The following MCRIP1 variants were observed in gnomAD, a reference collection of about 807,000 sequenced individuals.
The protein encoded by MCRIP1 is MAPK regulated corepressor interacting protein 1, also known as mapk-regulated corepressor-interacting protein 1.
MCRIP1 carries 10 observed loss-of-function variants against 14.4 expected under a neutral mutation model. The observed-to-expected ratio is 0.70, with a 90% CI of 0.43 to 1.18. MCRIP1 has a LOEUF of 1.18. Ranked by LOEUF, MCRIP1 falls within the 50% of genes most tolerant of loss-of-function variation. The pLI is 0.00. For synonymous variants in MCRIP1, 53 were observed against 55.7 expected, an observed-to-expected ratio of 0.95 and a Z score of 0.21; for missense variants, 119 against 135.4, an observed-to-expected ratio of 0.88 and a Z score of 0.60.
chr17:81,824,071 T>C (rs755009174), intron 3 of MCRIP1, among the ~76,000 whole-genome samples: 2 of 152,042 alleles, frequency 1.3e-5, no homozygotes, highest in Non-Finnish European at 2.9e-5. Context: ...GCTCCCCCCA[T>C]GATCAGAACC....
chr17:81,824,685 G>C (rs908761481), intron 1 of MCRIP1, 131 bp from the exon 2 acceptor site: 47 of 1,476,854 alleles, frequency 3.2e-5, no homozygotes, highest in Non-Finnish European at 3.8e-5. Context: ...CTGCCTACCA[G>C]GGTGTCCCCC....
intron 1 of MCRIP1, chr17:81,825,584 G>A (rs780831972): frequency 1.6e-5 from 21 of 1,289,172 alleles, no homozygotes; most frequent in Non-Finnish European, 2.1e-5. Context: ...GTCCTCTCTG[G>A]CTCATTCCGC....
In MCRIP1 at chr17:81,831,402, CAAAAAAAA is replaced by C. The variant is rs577541495; in HGVS notation, c.-49+1828_-49+1835del. On this transcript the variant is annotated intron_variant, in intron 1 of 4. Coordinates refer to ENST00000455127, the MANE Select transcript of MCRIP1 (RefSeq NM_207368.5). Reference sequence around the variant, plus strand: ...GGGCCCCATCTCTGCTCTCTGCCCTCAAAAAAAAAAAAAAAAAAAAAGAACGAAAGGGA... The same window carrying C: ...GGGCCCCATCTCTGCTCTCTGCCCTCAAAAAAAAAAAAAGAACGAAAGGGA... Among the ~76,000 whole-genome samples, 42 of 67,794 alleles carry C rather than the reference CAAAAAAAA, an allele frequency of 6.2e-4. 5 individuals are homozygous for C. In the Admixed American group the frequency reaches 6.6e-3, roughly 11 times the overall value. The allele number at this position is 67,794 out of a possible 152,430, so 44.5% of individuals were successfully genotyped here.
intron 1 of MCRIP1, chr17:81,824,848 G>C: frequency 2.3e-6 from 3 of 1,295,496 alleles, no homozygotes; most frequent in South Asian, 2.2e-5. Context: ...CTCAGACGTG[G>C]AGGCCTCAGC....
At position 81,824,518 on chromosome 17, in the gene MCRIP1, C is replaced by G. The variant is rs2038347799; in HGVS notation, c.-12G>C. ...ACCCACCTGGTCATCGCGGGGGCGT[C>G]TGATCCTAGCGCTCCACCGCCAGAT... On this transcript the variant is annotated 5_prime_UTR_variant, in exon 2 of 5. Transcript: ENST00000455127. 1 of 1,536,074 alleles carries G rather than the reference C, an allele frequency of 6.5e-7. No homozygotes were observed. The highest frequency in any genetic ancestry group is 8.7e-7 in the Non-Finnish European group (1 of 1,146,802).
chr17:81,825,495 C>T (rs1020737740), intron 1 of MCRIP1: 1 of 1,215,844 alleles, frequency 8.2e-7, no homozygotes, highest in Non-Finnish European at 1.0e-6. Flanking sequence ...CCCCTGCCCA[C>T]CCAGAGGCCC....
intron 1 of MCRIP1, among the ~76,000 whole-genome samples, chr17:81,831,767 G>T (rs2038526020): frequency 6.6e-6 from 1 of 152,214 alleles, no homozygotes; most frequent in Non-Finnish European, 1.5e-5. Flanking sequence ...CAGCTGGCCT[G>T]AGCCTCCCAA....
At chr17:81,831,595 C>T (rs2038521496) in intron 1 of MCRIP1, among the ~76,000 whole-genome samples, 4 of 152,132 alleles carry the variant, frequency 2.6e-5, no homozygotes, top group Admixed American at 2.6e-4. Flanking sequence ...GCAGGGCAGC[C>T]ACCACGCTGG....
intron 1 of MCRIP1, among the ~76,000 whole-genome samples, chr17:81,829,183 G>A (rs1345810535): frequency 6.6e-6 from 1 of 151,236 alleles, no homozygotes; most frequent in Non-Finnish European, 1.5e-5. Flanking sequence ...GGCAGCCCCT[G>A]AGCCAGCAGG....
At chr17:81,829,349 T>A (rs1034398504) in intron 1 of MCRIP1, among the ~76,000 whole-genome samples, 1 of 152,144 alleles carries the variant, frequency 6.6e-6, no homozygotes, top group African/African-American at 2.4e-5. Flanking sequence ...CCTGCCTTCA[T>A]CCCACCTGGG....
chr17:81,831,402 CAAAAAA>C (rs577541495), intron 1 of MCRIP1, among the ~76,000 whole-genome samples: 2 of 67,788 alleles, frequency 3.0e-5, no homozygotes, highest in Non-Finnish European at 6.4e-5. Flanking sequence ...TCTCTGCCCT[CAAAAAA>C]AAAAAAAAAA....
At chr17:81,832,792 A>G (rs890970229) in intron 1 of MCRIP1, among the ~76,000 whole-genome samples, 6 of 152,178 alleles carry the variant, frequency 3.9e-5, no homozygotes, top group African/African-American at 1.4e-4. Context: ...AGGCCGAAAA[A>G]TGGACAGAAA....
At chr17:81,824,606 C>A in intron 1 of MCRIP1, 52 bp from the exon 2 acceptor site, 1 of 1,535,236 alleles carries the variant, frequency 6.5e-7, no homozygotes, top group African/African-American at 1.4e-5. Context: ...CTCTCCAGCA[C>A]AGAAGGAGGG....
chr17:81,829,272 G>A (rs1266777723), intron 1 of MCRIP1, among the ~76,000 whole-genome samples: 1 of 152,120 alleles, frequency 6.6e-6, no homozygotes, highest in Non-Finnish European at 1.5e-5. Context: ...GTGGGAGGGA[G>A]GGGCTCCATT....
chr17:81,823,393 C>T lies in MCRIP1; in HGVS notation c.229+19G>A, dbSNP rs2038314325. ...CGGCCTGCCGGCCCAGCCCTGCCCC[C>T]AGGTCAGCCCCCACTCACTCTTCAG... On this transcript the variant is annotated intron_variant, in intron 4 of 4. Coordinates refer to ENST00000455127, the MANE Select transcript of MCRIP1 (RefSeq NM_207368.5). This position sits in a 1 kb window ranked among gnomAD's most constrained non-coding sequence, Gnocchi z 6.0. The T allele has an allele frequency of 6.5e-7, 1 of 1,536,416 alleles. No individual in the cohort carries two copies. Among genetic ancestry groups the T allele is most frequent in the African/African-American group, 1.4e-5 (1 of 73,010 alleles).
At chr17:81,824,884 G>C (rs2038356918) in intron 1 of MCRIP1, 1 of 1,218,542 alleles carries the variant, frequency 8.2e-7, no homozygotes, top group South Asian at 2.7e-5. Context: ...ACTGTGGCCA[G>C]AGCCCCTCCC....
chr17:81,824,912 C>CTT, intron 1 of MCRIP1: 1 of 1,173,924 alleles, frequency 8.5e-7, no homozygotes, highest in Admixed American at 4.3e-5. Context: ...GCTGGTGGGG[C>CTT]CGTCAGCATC....
intron 1 of MCRIP1, among the ~76,000 whole-genome samples, chr17:81,830,115 TG>T (rs1174594861): frequency 6.6e-6 from 1 of 152,104 alleles, no homozygotes; most frequent in African/African-American, 2.4e-5. Context: ...CCTGGCCTAC[TG>T]GGCTGCAGGT....
At chr17:81,824,829 C>T (rs1027004885) in intron 1 of MCRIP1, 24 of 1,333,876 alleles carry the variant, frequency 1.8e-5, no homozygotes, top group African/African-American at 4.5e-5. Flanking sequence ...TGATCCTCCA[C>T]GTCTCAGGCT....
Sources: gnomAD v4.1 joint callset for allele counts (sites outside exome capture counted in the v4.1 genomes callset) on GRCh38, gnomAD v4.1.1 for gene constraint, Gnocchi (gnomAD v3.1) non-coding constraint, MANE v1.5 for transcripts, NCBI Gene and HGNC (gene_info 2026-07-23, HGNC 2026-07-21) for gene names.